CHSY3: variants seen among roughly 807,000 people sequenced by gnomAD.
CHSY3 encodes chondroitin sulfate synthase 3, also known as N-acetylgalactosaminyl-proteoglycan 3-beta-glucuronosyltransferase 3.
A neutral mutation model predicts 67.2 loss-of-function variants in CHSY3; 35 were observed. The ratio of observed to expected loss-of-function variants is 0.52; its 90% CI spans 0.40 to 0.69. CHSY3 has a LOEUF of 0.69. Ranked by LOEUF, CHSY3 falls within the 30% of genes least tolerant of loss-of-function variation. CHSY3 has a pLI of 0.00. For missense variants in CHSY3, 1,069 were observed against 1,138.5 expected (o/e 0.94, Z 0.88); for synonymous variants, 474 against 434.7 (o/e 1.09, Z -1.12).
At chr5:130,152,511 C>T (rs1475082184) in intron 2 of CHSY3, among the ~76,000 whole-genome samples, 3 of 152,084 alleles carry the variant, frequency 2.0e-5, no homozygotes, top group Non-Finnish European at 1.5e-5. Context: ...GTATTTAAAA[C>T]TTTTCCTATC....
At chr5:130,144,485 C>A (rs1196457695) in intron 2 of CHSY3, among the ~76,000 whole-genome samples, 1 of 151,878 alleles carries the variant, frequency 6.6e-6, no homozygotes, top group Non-Finnish European at 1.5e-5. Flanking sequence ...AAACTATAAA[C>A]CATTAATGAA....
intron 2 of CHSY3, among the ~76,000 whole-genome samples, chr5:130,088,561 G>A (rs1385095535): frequency 1.3e-5 from 2 of 152,108 alleles, no homozygotes; most frequent in Non-Finnish European, 2.9e-5. Flanking sequence ...AGTGGGCGAA[G>A]GACATGAACA....
chr5:130,059,719 A>G (rs1238478667), intron 2 of CHSY3, among the ~76,000 whole-genome samples: 1 of 152,146 alleles, frequency 6.6e-6, no homozygotes, highest in African/African-American at 2.4e-5. Flanking sequence ...ATAATTAGGA[A>G]TTCCTTATTC....
rs1480422637 is a variant in CHSY3 at position 130,185,158 on chromosome 5, G to A, written c.2016G>A (p.Glu672=). Residue 672 remains glutamate (E), a synonymous_variant, in exon 3 of 3, where the codon GAG becomes GAA. Coordinates refer to ENST00000305031, the MANE Select transcript of CHSY3 (RefSeq NM_175856.5). The part of the protein sequence containing the change: ...DSGQDSSKHI[E]LIKGYQNKYP... ...GCCAAGACTCCAGCAAGCATATTGA[G>A]CTGATAAAAGGGTACCAGAACAAGT... 1 of 1,606,920 alleles carries A rather than the reference G, an allele frequency of 6.2e-7. No homozygotes were observed. Among genetic ancestry groups the A allele is most frequent in the South Asian group, 1.1e-5 (1 of 90,926 alleles).
intron 2 of CHSY3, among the ~76,000 whole-genome samples, chr5:130,146,106 T>G (rs1307545287): frequency 6.6e-6 from 1 of 152,088 alleles, no homozygotes; most frequent in African/African-American, 2.4e-5. Context: ...TTAATATATA[T>G]CCAAAGGAAA....
At position 130,178,685 on chromosome 5, in the gene CHSY3, T is replaced by A. The variant is rs556305244; in HGVS notation, c.1087-5544T>A. On this transcript the variant is annotated intron_variant, in intron 2 of 2. Transcript: ENST00000305031. ...ATGGCTTCTATCCTTAATAAACTGC[T>A]CAAGATTGAGCATAAGGGATGAAAA... Among the ~76,000 whole-genome samples the A allele has an allele frequency of 2.6e-5, 4 of 152,276 alleles. No individual in the cohort carries two copies. In the East Asian group the frequency reaches 7.7e-4, roughly 29 times the overall value.
At chr5:130,158,841 C>T (rs149976877) in intron 2 of CHSY3, among the ~76,000 whole-genome samples, 1 of 152,114 alleles carries the variant, frequency 6.6e-6, no homozygotes, top group Non-Finnish European at 1.5e-5. Context: ...CATCTGTTGG[C>T]CAAGCTGGAG....
At chr5:130,168,450 A>T (rs1561567568) in intron 2 of CHSY3, among the ~76,000 whole-genome samples, 1 of 152,130 alleles carries the variant, frequency 6.6e-6, no homozygotes, top group Non-Finnish European at 1.5e-5. Context: ...TCATGCTACA[A>T]TAGTACTGGC....
chr5:130,078,846 T>TAC (rs1766356339), intron 2 of CHSY3, among the ~76,000 whole-genome samples: 1 of 152,142 alleles, frequency 6.6e-6, no homozygotes, highest in Non-Finnish European at 1.5e-5. Flanking sequence ...CTGTGCCTAT[T>TAC]GGAGAGGCTG....
chr5:130,148,670 A>G (rs1218027513), intron 2 of CHSY3, among the ~76,000 whole-genome samples: 6 of 152,024 alleles, frequency 3.9e-5, no homozygotes, highest in Non-Finnish European at 7.4e-5. Context: ...CTTTTTTCAT[A>G]TGCTTATTGG....
intron 2 of CHSY3, among the ~76,000 whole-genome samples, chr5:130,081,631 G>C (rs1436477473): frequency 2.0e-5 from 3 of 151,990 alleles, no homozygotes; most frequent in African/African-American, 4.8e-5. Context: ...CATGGGGGCA[G>C]GTTTTCCTGT....
chr5:129,959,564 G>A (rs1762272535), intron 2 of CHSY3, among the ~76,000 whole-genome samples: 2 of 152,008 alleles, frequency 1.3e-5, no homozygotes, highest in African/African-American at 2.4e-5. Flanking sequence ...CGTTAAATAG[G>A]GAGGAATAAC....
chr5:130,126,725 CA>C (rs1768303657), intron 2 of CHSY3, among the ~76,000 whole-genome samples: 1 of 152,134 alleles, frequency 6.6e-6, no homozygotes, highest in Non-Finnish European at 1.5e-5. Flanking sequence ...GCTTTTCTGT[CA>C]CATAATTTAG....
intron 2 of CHSY3, among the ~76,000 whole-genome samples, chr5:130,168,160 A>G (rs928378113): frequency 5.9e-5 from 9 of 152,140 alleles, no homozygotes; most frequent in African/African-American, 2.2e-4. Context: ...TATTTCTTGA[A>G]TGAAAGACTA....
chr5:130,009,567 T>C (rs1229936892), intron 2 of CHSY3, among the ~76,000 whole-genome samples: 1 of 151,410 alleles, frequency 6.6e-6, no homozygotes, highest in Non-Finnish European at 1.5e-5. Context: ...GGGTTATTGA[T>C]ACTATAAAGC....
At chr5:130,125,438 G>GATAGATAGATAGATAGATAA (rs1554084510) in intron 2 of CHSY3, among the ~76,000 whole-genome samples, 65 of 152,084 alleles carry the variant, frequency 4.3e-4, no homozygotes, top group African/African-American at 1.3e-3. Flanking sequence ...TAGATAGATA[G>GATAGATAGATAGATAGATAA]ATAGATAGAT....
intron 2 of CHSY3, among the ~76,000 whole-genome samples, chr5:130,072,630 C>T (rs1766113671): frequency 6.6e-6 from 1 of 151,958 alleles, no homozygotes; most frequent in East Asian, 1.9e-4. Flanking sequence ...CTCAAGATTG[C>T]TTTGGCTATT....
chr5:130,089,113 A>G (rs942417653), intron 2 of CHSY3, among the ~76,000 whole-genome samples: 4 of 151,034 alleles, frequency 2.6e-5, no homozygotes, highest in Non-Finnish European at 5.9e-5. Context: ...TCAGTAAACT[A>G]TTGCAAGGAC....
intron 2 of CHSY3, among the ~76,000 whole-genome samples, chr5:129,980,933 G>A (rs188114367): frequency 5.9e-5 from 9 of 152,060 alleles, no homozygotes; most frequent in Admixed American, 2.0e-4. Flanking sequence ...TCGGCCGGGC[G>A]CGGTGGCTCA....
Sources: gnomAD v4.1 joint callset for allele counts (sites outside exome capture counted in the v4.1 genomes callset) on GRCh38, gnomAD v4.1.1 for gene constraint, MANE v1.5 for transcripts, NCBI Gene and HGNC (gene_info 2026-07-23, HGNC 2026-07-21) for gene names.